GALNT15: variants seen among roughly 807,000 people sequenced by gnomAD.
The protein encoded by GALNT15 is UDP-GalNAc transferase T15.
GALNT15 carries 67 observed loss-of-function variants against 66.8 expected under a neutral mutation model. The ratio of observed to expected loss-of-function variants is 1.00; its 90% CI spans 0.82 to 1.23. GALNT15 has a LOEUF of 1.23. Ranked by LOEUF, GALNT15 falls within the 50% of genes most tolerant of loss-of-function variation. The pLI is 0.00. For synonymous variants in GALNT15, 313 were observed against 311.5 expected (o/e 1.00, Z -0.05); for missense variants, 827 against 804.3 (o/e 1.03, Z -0.34).
At position 16,187,452 on chromosome 3, in the gene GALNT15, T is replaced by C. The variant is rs1356335931; in HGVS notation, c.540-8308T>C. Among the ~76,000 whole-genome samples the C allele has an allele frequency of 1.3e-5, 2 of 152,210 alleles. No individual in the cohort carries two copies. The highest frequency in any genetic ancestry group is 4.8e-5 in the African/African-American group (2 of 41,448). On this transcript the variant is annotated intron_variant, in intron 1 of 9. Coordinates refer to ENST00000339732, the MANE Select transcript of GALNT15 (RefSeq NM_054110.5). The surrounding 1 kb of genome is among the most constrained non-coding windows in gnomAD (Gnocchi z 5.1). ...TCTCAGACCTGGCAGCTGATGCTGG[T>C]CCTCAGCTGGGGCACTTTAGTTTTT...
chr3:16,242,605 T>A, the GALNT15 span, among the ~76,000 whole-genome samples: 5 of 150,766 alleles, frequency 3.3e-5, no homozygotes, highest in African/African-American at 7.3e-5. The surrounding 1 kb of genome is among the most constrained non-coding windows in gnomAD (Gnocchi z 5.6). Context: ...CAAAAAAAAA[T>A]AAAATAAAAT....
rs1309348173 is a variant in GALNT15 at position 16,189,098 on chromosome 3, G to GGAAGCCACC, written c.540-6661_540-6653dup. Reference sequence around the variant, plus strand: ...CATTTTAACAACAACAACAAAAAAAGGAAGCCACCAAAGCCACTGGATGAG... The same window carrying GGAAGCCACC: ...CATTTTAACAACAACAACAAAAAAAGGAAGCCACCGAAGCCACCAAAGCCACTGGATGAG... On this transcript the variant is annotated intron_variant, in intron 1 of 9. Transcript: ENST00000339732. This position sits in a 1 kb window ranked among gnomAD's most constrained non-coding sequence, Gnocchi z 5.1. Among the ~76,000 whole-genome samples the GGAAGCCACC allele has an allele frequency of 2.0e-5, 3 of 152,110 alleles. No homozygotes were observed. Among genetic ancestry groups the GGAAGCCACC allele is most frequent in the Non-Finnish European group, 4.4e-5 (3 of 68,014 alleles).
At position 16,189,724 on chromosome 3, in the gene GALNT15, T is replaced by C. The variant is rs2063554005; in HGVS notation, c.540-6036T>C. On this transcript the variant is annotated intron_variant, in intron 1 of 9. Coordinates refer to ENST00000339732, the MANE Select transcript of GALNT15 (RefSeq NM_054110.5). The surrounding 1 kb of genome is among the most constrained non-coding windows in gnomAD (Gnocchi z 5.1). ...ATAGCTAGCTAGCATTTTGGGGCTCTTACTATGCATAAGTACTTCAAATGT... is the reference window on the plus strand; with the variant it reads ...ATAGCTAGCTAGCATTTTGGGGCTCCTACTATGCATAAGTACTTCAAATGT... Among the ~76,000 whole-genome samples the C allele has an allele frequency of 6.6e-6, 1 of 152,254 alleles. No homozygotes were observed. The highest frequency in any genetic ancestry group is 1.5e-5 in the Non-Finnish European group (1 of 68,052).
chr3:16,225,405 T>TA lies in GALNT15; in HGVS notation c.1774-1949_1774-1948insA, dbSNP rs1443188002. 2.0e-5 allele frequency among the ~76,000 whole-genome samples: 3 copies of TA among 152,180 alleles called. No individual in the cohort carries two copies. The highest frequency in any genetic ancestry group is 4.8e-5 in the African/African-American group (2 of 41,440). On this transcript the variant is annotated intron_variant, in intron 9 of 9. Transcript: ENST00000339732. The surrounding 1 kb of genome is among the most constrained non-coding windows in gnomAD (Gnocchi z 4.4). ...GCTATGTGTTTTTATCACAATTTTTTTAAAAAAGAGGCCAGGCTCAATGGC... is the reference window on the plus strand; with the variant it reads ...GCTATGTGTTTTTATCACAATTTTTTATAAAAAAGAGGCCAGGCTCAATGGC...
In GALNT15 at chr3:16,175,445, C is replaced by A; in HGVS notation, c.294C>A (p.Ala98=). The A allele has an allele frequency of 6.2e-7, 1 of 1,614,144 alleles. No homozygotes were observed. The highest frequency in any genetic ancestry group is 8.5e-7 in the Non-Finnish European group (1 of 1,180,022). ...TGCGGGAGGATCAGCTGCTGGTGGCCGTGGCCTTACCCCAGGCCAGAAGGA... is the reference window on the plus strand; with the variant it reads ...TGCGGGAGGATCAGCTGCTGGTGGCAGTGGCCTTACCCCAGGCCAGAAGGA... ...ISLREDQLLV[A]VALPQARRNQ... is the part of the protein sequence containing the mutation. Residue 98 remains alanine, a synonymous_variant, in exon 1 of 10, where the codon GCC becomes GCA. Coordinates refer to ENST00000339732, the MANE Select transcript of GALNT15 (RefSeq NM_054110.5). This position sits in a 1 kb window ranked among gnomAD's most constrained non-coding sequence, Gnocchi z 5.6.
intron 3 of GALNT15, among the ~76,000 whole-genome samples, chr3:16,202,088 C>T (rs1432699080): frequency 6.6e-6 from 1 of 152,168 alleles, no homozygotes; most frequent in African/African-American, 2.4e-5. Context: ...TGGACCAGAT[C>T]GGAATGAATC....
chr3:16,207,958 G>C (rs1162506319), intron 3 of GALNT15, among the ~76,000 whole-genome samples: 2 of 152,108 alleles, frequency 1.3e-5, no homozygotes, highest in Non-Finnish European at 2.9e-5. Flanking sequence ...GGCCCAGAGA[G>C]GTATAACAGG....
In GALNT15 at chr3:16,175,288, C is replaced by T; in HGVS notation, c.137C>T (p.Ala46Val). The T allele has an allele frequency of 6.2e-7, 1 of 1,614,184 alleles. No individual in the cohort carries two copies. Among genetic ancestry groups the T allele is most frequent in the Non-Finnish European group, 8.5e-7 (1 of 1,180,040 alleles). ...PHHTLHQTVT[A>V]QASKHSPEAR... is the part of the protein sequence containing the mutation. ...CACACCCTGCACCAGACTGTCACAG[C>T]CCAAGCCAGCAAGCACAGCCCTGAA... is the stretch of plus-strand genomic sequence containing the variant. Residue 46 changes from alanine (A) to valine (V), a missense_variant, in exon 1 of 10, where the codon GCC becomes GTC. Ala to Val is a moderately conservative substitution (Grantham distance 64). Transcript: ENST00000339732. This position sits in a 1 kb window ranked among gnomAD's most constrained non-coding sequence, Gnocchi z 5.6.
At chr3:16,232,304 G>C (rs536567869), downstream of GALNT15, among the ~76,000 whole-genome samples, 158 of 151,394 alleles carry the variant, frequency 1.0e-3, 2 homozygotes, top group Admixed American at 9.3e-3. Flanking sequence ...GTTGGCTCAC[G>C]CCTTTAATCC....
chr3:16,215,608 A>G (rs1338173112), intron 6 of GALNT15, among the ~76,000 whole-genome samples: 2 of 152,150 alleles, frequency 1.3e-5, no homozygotes, highest in Admixed American at 1.3e-4. Context: ...GCAAGGATGT[A>G]TTTGGTATAT....
Position 16,189,376 on chromosome 3 carries a change from G to GT in GALNT15, c.540-6382dup, listed in dbSNP as rs1393611930. On this transcript the variant is annotated intron_variant, in intron 1 of 9. Transcript: ENST00000339732. The surrounding 1 kb of genome is among the most constrained non-coding windows in gnomAD (Gnocchi z 5.1). ...GTTGGGCAATGCACCAGCCCTAGTGGTTGAGATGAGGAGTAAATGAGATAA... is the reference window on the plus strand; with the variant it reads ...GTTGGGCAATGCACCAGCCCTAGTGGTTTGAGATGAGGAGTAAATGAGATAA... Among the ~76,000 whole-genome samples, 37 of 152,338 alleles carry GT rather than the reference G, an allele frequency of 2.4e-4. No homozygotes were observed. The highest frequency in any genetic ancestry group is 8.7e-4 in the African/African-American group (36 of 41,584).
In GALNT15 at chr3:16,211,059, C is replaced by A; in HGVS notation, c.1080-65C>A. On this transcript the variant is annotated intron_variant, in intron 4 of 9. Transcript: ENST00000339732. This position sits in a 1 kb window ranked among gnomAD's most constrained non-coding sequence, Gnocchi z 4.3. ...GAGCTCCCACCTGGGAAGCCCCAGC[C>A]CCCAGCCTCGCCTGCTGTGCTCTGG... 8.1e-7 allele frequency: 1 copy of A among 1,230,798 alleles called. No individual in the cohort carries two copies. 76.2% of individuals were successfully genotyped at this position (1,230,798 alleles called of 1,614,324 possible).
intron 6 of GALNT15, among the ~76,000 whole-genome samples, chr3:16,213,694 C>T (rs914752319): frequency 1.3e-5 from 2 of 152,086 alleles, no homozygotes; most frequent in African/African-American, 4.8e-5. Flanking sequence ...GGAGCAGCTC[C>T]CACAAGCCCC....
chr3:16,248,217 G>A, the GALNT15 span, among the ~76,000 whole-genome samples: 7 of 152,262 alleles, frequency 4.6e-5, no homozygotes, highest in South Asian at 1.5e-3. The surrounding 1 kb of genome is among the most constrained non-coding windows in gnomAD (Gnocchi z 4.9). Context: ...AAACATCCTC[G>A]TGGTCTATGC....
In GALNT15 at chr3:16,227,351, T is replaced by G; in HGVS notation, c.1774-3T>G. ...TCTTTTCTTTTTTCCTTTCTCTTTT[T>G]AGAATGGGATGATTGTCCACATTCT... On this transcript the variant is annotated splice_polypyrimidine_tract_variant and splice_region_variant and intron_variant, in intron 9 of 9. Transcript: ENST00000339732. This position sits in a 1 kb window ranked among gnomAD's most constrained non-coding sequence, Gnocchi z 4.5. The G allele has an allele frequency of 6.2e-7, 1 of 1,605,460 alleles. No individual in the cohort carries two copies. Among genetic ancestry groups the G allele is most frequent in the Non-Finnish European group, 8.5e-7 (1 of 1,177,564 alleles).
At chr3:16,230,965 A>G (rs2064076224), downstream of GALNT15, among the ~76,000 whole-genome samples, 1 of 152,164 alleles carries the variant, frequency 6.6e-6, no homozygotes, top group African/African-American at 2.4e-5. The surrounding 1 kb of genome is among the most constrained non-coding windows in gnomAD (Gnocchi z 4.5). Context: ...ATGCAGCCAT[A>G]AAAAAGAATG....
Position 16,205,205 on chromosome 3 carries a change from A to G in GALNT15, c.912-3298A>G, listed in dbSNP as rs565686434. ...ATTCAGAGCCTTCTGCTTCTAGTAT[A>G]AGAGACTTTCCACAAACACCAAGAA... is the stretch of plus-strand genomic sequence containing the variant. On this transcript the variant is annotated intron_variant, in intron 3 of 9. Transcript: ENST00000339732. 8.5e-5 allele frequency among the ~76,000 whole-genome samples: 13 copies of G among 152,350 alleles called. No homozygotes were observed. In the East Asian group the frequency reaches 2.3e-3, roughly 27 times the overall value.
chr3:16,246,810 A>T, the GALNT15 span, among the ~76,000 whole-genome samples: 1 of 152,246 alleles, frequency 6.6e-6, no homozygotes, highest in Non-Finnish European at 1.5e-5. Context: ...AATTGAAATG[A>T]AAGTATTACA....
intron 3 of GALNT15, among the ~76,000 whole-genome samples, chr3:16,202,355 A>C (rs2063712586): frequency 6.6e-6 from 1 of 152,228 alleles, no homozygotes; most frequent in East Asian, 1.9e-4. Context: ...CAAGCTGGCC[A>C]GGCACGGTGG....
Sources: gnomAD v4.1 joint callset for allele counts (sites outside exome capture counted in the v4.1 genomes callset) on GRCh38, gnomAD v4.1.1 for gene constraint, Gnocchi (gnomAD v3.1) non-coding constraint, MANE v1.5 for transcripts, NCBI Gene and HGNC (gene_info 2026-07-23, HGNC 2026-07-21) for gene names.